The following RNLS variants were observed in gnomAD, a reference collection of about 807,000 sequenced individuals.
RNLS encodes the protein renalase.
RNLS carries 39 observed loss-of-function variants against 39.8 expected under a neutral mutation model. That is an observed-to-expected ratio of 0.98 (90% CI 0.76 to 1.28). The LOEUF (loss-of-function observed/expected upper bound fraction) is 1.28, where lower values mean the gene tolerates loss of function less well. Ranked by LOEUF, RNLS falls within the 50% of genes most tolerant of loss-of-function variation. The probability of loss-of-function intolerance (pLI) is 0.00; values close to 1 mark genes in which losing one functional copy is unlikely to be tolerated. For synonymous variants in RNLS, 147 were observed against 150.7 expected, an observed-to-expected ratio of 0.98 and a Z score of 0.18; for missense variants, 410 against 413.3, an observed-to-expected ratio of 0.99 and a Z score of 0.07.
At chr10:88,206,453 T>C in the RNLS span, among the ~76,000 whole-genome samples, 2,125 of 152,286 alleles carry the variant, frequency 0.014, 46 homozygotes, top group African/African-American at 0.043. Flanking sequence ...GGAGAGCTGA[T>C]ATTAAAAGAA....
the RNLS span, among the ~76,000 whole-genome samples, chr10:88,202,499 C>A: frequency 6.6e-6 from 1 of 152,164 alleles, no homozygotes; most frequent in Admixed American, 6.5e-5. Flanking sequence ...CCACCCTGTA[C>A]CAGCCCTCCA....
Position 88,412,058 on chromosome 10 carries a change from T to C in RNLS, c.527-49333A>G, listed in dbSNP as rs1023643. ...CTGACAGGTCACTGGATTCCACTGA[T>C]GAATTTTAAGAAGGATGGTGATATG... On this transcript the variant is annotated intron_variant, in intron 4 of 6. Transcript: ENST00000331772. Among the ~76,000 whole-genome samples the C allele has an allele frequency of 6.3e-3, 961 of 152,138 alleles. 13 individuals carry two copies. The highest frequency in any genetic ancestry group is 0.022 in the African/African-American group (911 of 41,510).
chr10:88,406,558 CAA>C (rs1319395753), intron 4 of RNLS, among the ~76,000 whole-genome samples: 1 of 151,938 alleles, frequency 6.6e-6, no homozygotes, highest in Non-Finnish European at 1.5e-5. Flanking sequence ...AAAATGTGAC[CAA>C]AGTTTCCTGA....
At chr10:88,437,488 A>G (rs987722799) in intron 4 of RNLS, among the ~76,000 whole-genome samples, 2 of 152,204 alleles carry the variant, frequency 1.3e-5, no homozygotes, top group African/African-American at 4.8e-5. Flanking sequence ...GGGAAATCCA[A>G]TTCAAGGTTT....
At chr10:88,248,541 G>A in the RNLS span, among the ~76,000 whole-genome samples, 1 of 152,144 alleles carries the variant, frequency 6.6e-6, no homozygotes, top group South Asian at 2.1e-4. Flanking sequence ...ATTTCCAGTG[G>A]TGCTGGACTC....
At chr10:88,432,734 T>C (rs1364857824) in intron 4 of RNLS, among the ~76,000 whole-genome samples, 1 of 152,010 alleles carries the variant, frequency 6.6e-6, no homozygotes, top group East Asian at 1.9e-4. Context: ...TAAGACTCTA[T>C]GGTTATGTAT....
intron 4 of RNLS, among the ~76,000 whole-genome samples, chr10:88,373,392 CATA>C (rs1850723024): frequency 6.6e-6 from 1 of 151,968 alleles, no homozygotes; most frequent in Non-Finnish European, 1.5e-5. Flanking sequence ...TTTCTGTTTA[CATA>C]ATAACAACTC....
At chr10:88,191,409 A>T in the RNLS span, among the ~76,000 whole-genome samples, 1 of 141,420 alleles carries the variant, frequency 7.1e-6, no homozygotes, top group Non-Finnish European at 1.5e-5. Context: ...AATTTTTTTC[A>T]TTGACAAATA....
intron 5 of RNLS, among the ~76,000 whole-genome samples, chr10:88,326,355 G>A (rs1846606540): frequency 6.6e-6 from 1 of 152,228 alleles, no homozygotes. Flanking sequence ...GGTGATCTCA[G>A]ATGGAGATGA....
intron 4 of RNLS, among the ~76,000 whole-genome samples, chr10:88,375,158 A>G (rs1170845909): frequency 6.6e-6 from 1 of 151,910 alleles, no homozygotes; most frequent in Non-Finnish European, 1.5e-5. Context: ...CTTTTATTCC[A>G]TTTATGAACA....
At chr10:88,394,855 T>C (rs1654017716) in intron 4 of RNLS, among the ~76,000 whole-genome samples, 1 of 152,216 alleles carries the variant, frequency 6.6e-6, no homozygotes, top group Admixed American at 6.5e-5. Context: ...CATGGAATAC[T>C]ATGCAGCCAT....
chr10:88,251,347 T>A, the RNLS span, among the ~76,000 whole-genome samples: 1 of 152,234 alleles, frequency 6.6e-6, no homozygotes. Context: ...AAAATTTATA[T>A]GTGAGAGAAT....
intron 4 of RNLS, among the ~76,000 whole-genome samples, chr10:88,565,590 C>T (rs59438598): frequency 0.013 from 1,998 of 152,084 alleles, 46 homozygotes; most frequent in African/African-American, 0.045. Flanking sequence ...CAAAGACCCT[C>T]ATCCTCAGTC....
At chr10:88,393,852 C>T (rs538272145) in intron 4 of RNLS, among the ~76,000 whole-genome samples, 1 of 152,146 alleles carries the variant, frequency 6.6e-6, no homozygotes, top group Admixed American at 6.5e-5. Context: ...GAGATATACA[C>T]CAATGGAACA....
intron 4 of RNLS, among the ~76,000 whole-genome samples, chr10:88,570,331 A>G (rs1474574980): frequency 1.3e-5 from 2 of 152,226 alleles, no homozygotes; most frequent in Non-Finnish European, 2.9e-5. Flanking sequence ...GAATAAGAAA[A>G]AAGTCTATTA....
the RNLS span, among the ~76,000 whole-genome samples, chr10:88,195,586 A>G: frequency 2.0e-5 from 3 of 152,186 alleles, no homozygotes; most frequent in Non-Finnish European, 4.4e-5. Flanking sequence ...AGCTACATGA[A>G]GAATTTCCCC....
intron 4 of RNLS, among the ~76,000 whole-genome samples, chr10:88,409,169 A>G (rs1013310196): frequency 9.2e-5 from 14 of 152,144 alleles, no homozygotes; most frequent in African/African-American, 3.4e-4. Flanking sequence ...ACCATTTTCA[A>G]TCAGAGGGAT....
intron 5 of RNLS, among the ~76,000 whole-genome samples, chr10:88,355,961 C>G (rs912765335): frequency 8.5e-5 from 13 of 152,228 alleles, no homozygotes; most frequent in African/African-American, 3.1e-4. Flanking sequence ...CGATCTCAGA[C>G]TGCTGTGCTG....
rs1450778976 is a variant in RNLS, at chr10:88,362,613, C to CT, written c.638dup (p.Tyr214ValfsTer5). On this transcript the variant is annotated frameshift_variant, in exon 5 of 7. Coordinates refer to ENST00000331772, the MANE Select transcript of RNLS (RefSeq NM_001031709.3). LOFTEE classifies it high-confidence loss of function. ...GTATGCAGGGATTACTGGTGATGTA[C>CT]TGCCCAGCCCAAGGGACATCAATCT... 1 of 1,613,932 alleles carries CT rather than the reference C, an allele frequency of 6.2e-7. No homozygotes were observed. Among genetic ancestry groups the CT allele is most frequent in the Admixed American group, 1.7e-5 (1 of 59,950 alleles).
Sources: allele counts gnomAD v4.1 joint callset (sites outside exome capture counted in the v4.1 genomes callset), GRCh38; gene constraint gnomAD v4.1.1; transcripts MANE v1.5; gene names NCBI Gene and HGNC (gene_info 2026-07-23, HGNC 2026-07-21).